FGF14: variants seen among roughly 807,000 people sequenced by gnomAD.
The protein encoded by FGF14 is fibroblast growth factor homologous factor 4.
FGF14 carries 5 observed loss-of-function variants against 25.5 expected under a neutral mutation model. That is an observed-to-expected ratio of 0.20 (90% CI 0.10 to 0.41). The LOEUF (loss-of-function observed/expected upper bound fraction) is 0.41, where lower values mean the gene tolerates loss of function less well. Ranked by LOEUF, FGF14 falls within the 10% of genes least tolerant of loss-of-function variation. The pLI, the probability that FGF14 is intolerant of heterozygous loss-of-function variation, is 1.00. For missense variants in FGF14, 222 were observed against 320.1 expected (o/e 0.69, Z 2.34); for synonymous variants, 138 against 118.3 (o/e 1.17, Z -1.08).
chr13:101,824,653 T>C (rs2042316562), intron 3 of FGF14, among the ~76,000 whole-genome samples: 1 of 152,126 alleles, frequency 6.6e-6, no homozygotes. Flanking sequence ...AATAATGTCT[T>C]TTTATGTGCA....
At chr13:102,211,350 T>C (rs2050151153) in intron 1 of FGF14, among the ~76,000 whole-genome samples, 1 of 152,170 alleles carries the variant, frequency 6.6e-6, no homozygotes, top group South Asian at 2.1e-4. Flanking sequence ...AAGAACATTT[T>C]AAACAACAGC....
intron 1 of FGF14, among the ~76,000 whole-genome samples, chr13:101,989,181 G>C (rs554194221): frequency 6.6e-6 from 1 of 152,030 alleles, no homozygotes; most frequent in African/African-American, 2.4e-5. Flanking sequence ...AATGGGCTTT[G>C]AAATAATCAA....
intron 1 of FGF14, among the ~76,000 whole-genome samples, chr13:102,161,094 G>C (rs897595528): frequency 6.6e-6 from 1 of 152,132 alleles, no homozygotes; most frequent in Admixed American, 6.6e-5. Flanking sequence ...AAACAATGGA[G>C]GAAGGCAGAA....
At chr13:101,822,685 T>C (rs947447188) in intron 3 of FGF14, among the ~76,000 whole-genome samples, 12 of 152,274 alleles carry the variant, frequency 7.9e-5, no homozygotes, top group South Asian at 2.1e-4. Flanking sequence ...TCAGGGCCAA[T>C]TGGAATATTC....
chr13:101,847,109 A>G (rs1284074770), intron 3 of FGF14, among the ~76,000 whole-genome samples: 1 of 152,006 alleles, frequency 6.6e-6, no homozygotes, highest in Non-Finnish European at 1.5e-5. Flanking sequence ...CAACTTTGAG[A>G]CAGAACAAAA....
chr13:102,387,296 A>T (rs1031277908), intron 1 of FGF14, among the ~76,000 whole-genome samples: 5 of 152,192 alleles, frequency 3.3e-5, no homozygotes, highest in Non-Finnish European at 5.9e-5. Flanking sequence ...ACACAATTCA[A>T]ATTTTATAAC....
intron 1 of FGF14, among the ~76,000 whole-genome samples, chr13:101,945,245 C>G (rs113410410): frequency 0.12 from 17,668 of 152,078 alleles, 3,420 homozygotes; most frequent in African/African-American, 0.4. Context: ...TTGAACCCCA[C>G]AGGCGGAGGT....
chr13:101,958,348 C>T (rs1406852855), intron 1 of FGF14, among the ~76,000 whole-genome samples: 1 of 152,240 alleles, frequency 6.6e-6, no homozygotes, highest in Admixed American at 6.5e-5. Context: ...TGTAGGAGTG[C>T]CAGCCCCTGG....
At chr13:102,273,703 A>G (rs1009128708) in intron 1 of FGF14, among the ~76,000 whole-genome samples, 16 of 152,094 alleles carry the variant, frequency 1.1e-4, no homozygotes, top group Admixed American at 3.3e-4. Flanking sequence ...CCTCTTAAAA[A>G]TCTTTAATTT....
chr13:102,363,879 A>C (rs2057635092), intron 1 of FGF14, among the ~76,000 whole-genome samples: 1 of 152,198 alleles, frequency 6.6e-6, no homozygotes, highest in South Asian at 2.1e-4. Context: ...AATGGAACTC[A>C]GTGCCCTGCA....
intron 1 of FGF14, among the ~76,000 whole-genome samples, chr13:102,266,431 C>A (rs541457298): frequency 6.6e-6 from 1 of 152,106 alleles, no homozygotes; most frequent in Non-Finnish European, 1.5e-5. Flanking sequence ...TTTAAACATC[C>A]AATTACAACA....
intron 1 of FGF14, chr13:102,045,953 G>C (rs2041962819): frequency 1.3e-5 from 2 of 154,114 alleles, no homozygotes; most frequent in South Asian, 2.0e-4. Context: ...CCAATCACTT[G>C]GTAATTGCTG....
At chr13:102,073,723 A>T (rs373913556) in intron 1 of FGF14, among the ~76,000 whole-genome samples, 1 of 152,246 alleles carries the variant, frequency 6.6e-6, no homozygotes, top group Non-Finnish European at 1.5e-5. Flanking sequence ...TCTCTCTGTC[A>T]TGTAATTTTT....
chr13:101,893,944 A>G (rs549457366), intron 1 of FGF14, among the ~76,000 whole-genome samples: 18 of 152,122 alleles, frequency 1.2e-4, no homozygotes, highest in Admixed American at 7.8e-4. Flanking sequence ...TTTGACTCCC[A>G]GAGGCATCAT....
At chr13:102,178,926 T>C (rs562517499) in intron 1 of FGF14, among the ~76,000 whole-genome samples, 2 of 152,178 alleles carry the variant, frequency 1.3e-5, no homozygotes, top group African/African-American at 4.8e-5. Context: ...GCTATATACA[T>C]CCATTGGGGA....
intron 3 of FGF14, among the ~76,000 whole-genome samples, chr13:101,746,510 T>G (rs2139813674): frequency 6.6e-6 from 1 of 152,152 alleles, no homozygotes; most frequent in Admixed American, 6.6e-5. Flanking sequence ...GAATGCAATT[T>G]CAATATGTTC....
chr13:102,296,649 A>G (rs748082380), intron 1 of FGF14, among the ~76,000 whole-genome samples: 7 of 152,116 alleles, frequency 4.6e-5, no homozygotes, highest in Non-Finnish European at 8.8e-5. Context: ...TAGAAGCACA[A>G]TTGTGCATCC....
At chr13:102,075,182 A>C (rs1290157607) in intron 1 of FGF14, among the ~76,000 whole-genome samples, 1 of 152,222 alleles carries the variant, frequency 6.6e-6, no homozygotes, top group Non-Finnish European at 1.5e-5. Flanking sequence ...AACTCTGAAG[A>C]CTTCACCAGA....
At chr13:102,169,457 A>G (rs2048157237) in intron 1 of FGF14, among the ~76,000 whole-genome samples, 1 of 152,180 alleles carries the variant, frequency 6.6e-6, no homozygotes, top group African/African-American at 2.4e-5. Context: ...CATGTGTAAA[A>G]GAAATAAGAA....
Sources: allele counts gnomAD v4.1 joint callset (sites outside exome capture counted in the v4.1 genomes callset), GRCh38; gene constraint gnomAD v4.1.1; transcripts MANE v1.5; gene names NCBI Gene and HGNC (gene_info 2026-07-23, HGNC 2026-07-21).